The following BRD4 variants were observed in gnomAD, a reference collection of about 807,000 sequenced individuals.
The protein encoded by BRD4 is bromodomain-containing protein 4.
BRD4 carries 16 observed loss-of-function variants against 142.1 expected under a neutral mutation model. The ratio of observed to expected loss-of-function variants is 0.11; its 90% CI spans 0.08 to 0.17. BRD4 has a LOEUF of 0.17. Among genes scored for constraint, BRD4 ranks in the 10% least tolerant of loss-of-function variants. The pLI, the probability that BRD4 is intolerant of heterozygous loss-of-function variation, is 1.00. For synonymous variants in BRD4, 833 were observed against 707.5 expected, an observed-to-expected ratio of 1.18 and a Z score of -2.82; for missense variants, 1,424 against 1,810.9, an observed-to-expected ratio of 0.79 and a Z score of 3.88.
chr19:15,263,724 AC>A (rs1470891197), intron 6 of BRD4, among the ~76,000 whole-genome samples, 176 bp from the exon 7 acceptor site: 1 of 152,070 alleles, frequency 6.6e-6, no homozygotes, highest in Non-Finnish European at 1.5e-5. Context: ...CAGGGCTGGG[AC>A]TGGCCCTGCC....
intron 11 of BRD4, among the ~76,000 whole-genome samples, chr19:15,251,783 G>A (rs781343569): frequency 3.9e-5 from 6 of 152,204 alleles, no homozygotes; most frequent in Admixed American, 6.5e-5. Flanking sequence ...GCCGGCCCAC[G>A]ACAGAGCTCA....
intron 1 of BRD4, among the ~76,000 whole-genome samples, chr19:15,295,282 G>C (rs1328700871): frequency 6.6e-6 from 1 of 152,168 alleles, no homozygotes; most frequent in African/African-American, 2.4e-5. Flanking sequence ...TCTCTCTCAC[G>C]GATGCACTTG....
chr19:15,249,043 T>G (rs1204530226), intron 11 of BRD4: 1 of 601,324 alleles, frequency 1.7e-6, no homozygotes, highest in South Asian at 2.0e-5. Flanking sequence ...AGCCAGGCAG[T>G]CTTTACACAG....
chr19:15,260,729 A>G (rs2047460065), intron 7 of BRD4, among the ~76,000 whole-genome samples: 1 of 151,596 alleles, frequency 6.6e-6, no homozygotes, highest in Non-Finnish European at 1.5e-5. Flanking sequence ...GTGGTGTGAC[A>G]GACATCCAGT....
At chr19:15,310,498 C>T (rs2047960455) in intron 1 of BRD4, among the ~76,000 whole-genome samples, 1 of 151,470 alleles carries the variant, frequency 6.6e-6, no homozygotes, top group African/African-American at 2.4e-5. Context: ...GTAGCTGGGA[C>T]TACAGGTGCC....
At chr19:15,259,966 G>A (rs2047451607) in intron 7 of BRD4, among the ~76,000 whole-genome samples, 2 of 152,232 alleles carry the variant, frequency 1.3e-5, no homozygotes, top group Admixed American at 1.3e-4. Context: ...AGGGAGGATG[G>A]TGATGGTGAG....
rs1021621889 is a variant in BRD4, at chr19:15,265,452, G to T, written c.751C>A (p.Pro251Thr). The T allele has an allele frequency of 6.3e-7, 1 of 1,581,374 alleles. No individual in the cohort carries two copies. Among genetic ancestry groups the T allele is most frequent in the Non-Finnish European group, 8.6e-7 (1 of 1,162,008 alleles). The change falls in exon 5 of 20, where the codon CCG (proline) becomes ACG (threonine). Residue 251 changes from proline to threonine, a missense_variant. Physicochemically the swap from Pro to Thr is conservative, Grantham distance 38. Coordinates refer to ENST00000679869, the MANE Select transcript of BRD4 (RefSeq NM_001379291.1). ...VVPPQPLQTP[P>T]PVPPQPQPPP... ...GGTTGTGGCTGGGGGGGCACTGGCG[G>T]GGGCGTCTGCAGTGGCTGGGGAGGC... is the stretch of plus-strand genomic sequence containing the variant.
At position 15,243,300 on chromosome 19, in the gene BRD4, G is replaced by C. The variant is rs566964637; in HGVS notation, c.2769C>G (p.Leu923=). ...GGTACAGCTGCATCTGCATGGAGGTGAGGGGTGGGGCAGGTGGCTCTTCAT... is the reference window on the plus strand; with the variant it reads ...GGTACAGCTGCATCTGCATGGAGGTCAGGGGTGGGGCAGGTGGCTCTTCAT... ...LEDEEPPAPP[L]TSMQMQLYLQ... is the part of the protein sequence containing the mutation. The change falls in exon 14 of 20, where the codon CTC becomes CTG. Residue 923 remains leucine (L), a synonymous_variant. Coordinates refer to ENST00000679869, the MANE Select transcript of BRD4 (RefSeq NM_001379291.1). The C allele has an allele frequency of 6.7e-7, 1 of 1,487,426 alleles. No homozygotes were observed. Among genetic ancestry groups the C allele is most frequent in the African/African-American group, 1.4e-5 (1 of 69,610 alleles). The allele number at this position is 1,487,426 out of a possible 1,614,324, so 92.1% of individuals were successfully genotyped here.
At chr19:15,268,780 C>T in intron 3 of BRD4, 125 bp downstream of exon 3, 1 of 1,070,868 alleles carries the variant, frequency 9.3e-7, no homozygotes, top group South Asian at 1.6e-5. Context: ...CCAAGGGTCT[C>T]CTCTTGCCAG....
At chr19:15,317,181 C>T (rs2048024431) in intron 1 of BRD4, among the ~76,000 whole-genome samples, 1 of 152,232 alleles carries the variant, frequency 6.6e-6, no homozygotes, top group African/African-American at 2.4e-5. Context: ...GCTCTCCAAG[C>T]ACCACCTTCC....
At chr19:15,275,194 C>A (rs1025970294) in intron 1 of BRD4, among the ~76,000 whole-genome samples, 9 of 152,196 alleles carry the variant, frequency 5.9e-5, no homozygotes, top group African/African-American at 1.4e-4. Context: ...AGGAAAAAAA[C>A]AGTTTTCTAC....
chr19:15,280,631 AGAT>A (rs1466901627), intron 1 of BRD4, among the ~76,000 whole-genome samples: 1 of 152,196 alleles, frequency 6.6e-6, no homozygotes, highest in Non-Finnish European at 1.5e-5. Flanking sequence ...CCAAGCAGTA[AGAT>A]GCCTGAGGGG....
chr19:15,264,545 G>A lies in BRD4; in HGVS notation c.1071C>T (p.Cys357=), dbSNP rs1322257540. Residue 357 remains cysteine, a synonymous_variant, in exon 6 of 20, where the codon TGC becomes TGT. Transcript: ENST00000679869. ...CAAACATCTCCTTGAGGATGCCGCT[G>A]CAGCACTTGAGCTGCTCCGAGACCT... ...SSKVSEQLKC[C]SGILKEMFAK... 4.3e-6 allele frequency: 7 copies of A among 1,614,082 alleles called. No homozygotes were observed. Among genetic ancestry groups the A allele is most frequent in the Non-Finnish European group, 5.9e-6 (7 of 1,180,048 alleles).
intron 1 of BRD4, among the ~76,000 whole-genome samples, chr19:15,277,854 C>G (rs1460042105): frequency 6.6e-6 from 1 of 151,912 alleles, no homozygotes. Context: ...CACCTGTAAT[C>G]CCAGCACTTT....
chr19:15,264,410 T>G lies in BRD4; in HGVS notation c.1206A>C (p.Thr402=). The change falls in exon 6 of 20, where the codon ACA becomes ACC. Residue 402 remains threonine (T), a synonymous_variant. Coordinates refer to ENST00000679869, the MANE Select transcript of BRD4 (RefSeq NM_001379291.1). The part of the protein sequence containing the change: ...DIIKHPMDMS[T]IKSKLEAREY... ...TCAGGCACATCCCGCTAACCTTGAT[T>G]GTGCTCATGTCCATGGGGTGCTTGA... is the stretch of plus-strand genomic sequence containing the variant. 6.2e-7 allele frequency: 1 copy of G among 1,600,376 alleles called. No individual in the cohort carries two copies. Among genetic ancestry groups the G allele is most frequent in the South Asian group, 1.1e-5 (1 of 89,984 alleles).
At chr19:15,255,222 G>A in intron 10 of BRD4, 75 bp downstream of exon 10, 2 of 1,419,976 alleles carry the variant, frequency 1.4e-6, no homozygotes, top group Admixed American at 2.2e-5. Context: ...AGAAAGAGTG[G>A]ACTGAGCAAG....
At chr19:15,296,154 T>C (rs527451145) in intron 1 of BRD4, among the ~76,000 whole-genome samples, 7 of 152,126 alleles carry the variant, frequency 4.6e-5, no homozygotes, top group African/African-American at 1.7e-4. Context: ...CTCAGGAGGC[T>C]GAGGCAGGAG....
intron 1 of BRD4, among the ~76,000 whole-genome samples, chr19:15,301,030 G>A (rs559336073): frequency 5.7e-4 from 87 of 152,272 alleles, no homozygotes; most frequent in African/African-American, 1.8e-3. Flanking sequence ...AACCATCCAC[G>A]TGTCCTTCAA....
rs202162663 is a variant in BRD4 at position 15,264,446 on chromosome 19, G to A, written c.1170C>T (p.Tyr390=). 6.8e-5 allele frequency: 110 copies of A among 1,613,610 alleles called. 3 individuals carry two copies. The South Asian group carries it at 1.2e-3, about 17-fold the overall frequency. Reference sequence around the variant, plus strand: ...CCATGGGGTGCTTGATGATGTCACAGTAGTCGTGTAGGCCCAGTGCCTCCA... The same window carrying A: ...CCATGGGGTGCTTGATGATGTCACAATAGTCGTGTAGGCCCAGTGCCTCCA... ...VDVEALGLHD[Y]CDIIKHPMDM... Residue 390 remains tyrosine, a synonymous_variant, in exon 6 of 20, where the codon TAC becomes TAT. Transcript: ENST00000679869.
Sources: allele counts gnomAD v4.1 joint callset (sites outside exome capture counted in the v4.1 genomes callset), GRCh38; gene constraint gnomAD v4.1.1; transcripts MANE v1.5; gene names NCBI Gene and HGNC (gene_info 2026-07-23, HGNC 2026-07-21).